Variants in NHSL1 observed in about 807,000 individuals in gnomAD.
NHSL1 encodes NHS-like protein 1.
A neutral mutation model predicts 95.0 loss-of-function variants in NHSL1; 48 were observed. The ratio of observed to expected loss-of-function variants is 0.51; its 90% CI spans 0.40 to 0.64. The LOEUF is 0.64. Ranked by LOEUF, NHSL1 falls within the 30% of genes least tolerant of loss-of-function variation. The probability of loss-of-function intolerance (pLI) is 0.00; values close to 1 mark genes in which losing one functional copy is unlikely to be tolerated. For synonymous variants in NHSL1, 783 were observed against 833.9 expected, an observed-to-expected ratio of 0.94 and a Z score of 1.05; for missense variants, 1,971 against 2,077.7, an observed-to-expected ratio of 0.95 and a Z score of 1.00.
intron 1 of NHSL1, among the ~76,000 whole-genome samples, chr6:138,556,093 A>T (rs1783186875): frequency 6.6e-6 from 1 of 152,086 alleles, no homozygotes; most frequent in Non-Finnish European, 1.5e-5. Context: ...TATATTTACT[A>T]AAATGCTTCA....
At chr6:138,486,729 C>G (rs1239914700) in intron 2 of NHSL1, among the ~76,000 whole-genome samples, 1 of 152,218 alleles carries the variant, frequency 6.6e-6, no homozygotes, top group African/African-American at 2.4e-5. Flanking sequence ...ACAAACACAA[C>G]AGTATTTGCA....
intron 1 of NHSL1, among the ~76,000 whole-genome samples, chr6:138,662,622 C>G (rs1161038077): frequency 6.6e-6 from 1 of 152,172 alleles, no homozygotes; most frequent in African/African-American, 2.4e-5. Flanking sequence ...TTCAAACAAA[C>G]AAGTGAGTCA....
intron 1 of NHSL1, among the ~76,000 whole-genome samples, chr6:138,539,839 G>C (rs960936485): frequency 6.6e-6 from 1 of 152,154 alleles, no homozygotes; most frequent in Admixed American, 6.5e-5. Context: ...TCAGTCCATA[G>C]GGTAGCATCT....
At chr6:138,599,133 T>C (rs1199686080) in intron 1 of NHSL1, among the ~76,000 whole-genome samples, 4 of 152,244 alleles carry the variant, frequency 2.6e-5, no homozygotes, top group Non-Finnish European at 4.4e-5. Context: ...CATTCTGAGC[T>C]ACCTAATTGT....
chr6:138,523,029 C>CCACCCT (rs1160818157), intron 1 of NHSL1, among the ~76,000 whole-genome samples: 2 of 151,866 alleles, frequency 1.3e-5, no homozygotes, highest in African/African-American at 4.8e-5. Context: ...CCCCCCACCC[C>CCACCCT]CACCCTTTCA....
chr6:138,488,112 T>A (rs1338759567), intron 2 of NHSL1, among the ~76,000 whole-genome samples: 2 of 152,180 alleles, frequency 1.3e-5, no homozygotes, highest in Non-Finnish European at 2.9e-5. Context: ...ATCCCGTCTG[T>A]CCTAAAAATA....
chr6:138,456,811 G>A (rs1379288392), intron 3 of NHSL1, among the ~76,000 whole-genome samples: 1 of 150,626 alleles, frequency 6.6e-6, no homozygotes, highest in Non-Finnish European at 1.5e-5. Flanking sequence ...GTCAAAAACA[G>A]TACACAAAGC....
At chr6:138,689,636 G>A (rs868573189) in intron 1 of NHSL1, among the ~76,000 whole-genome samples, 17 of 152,198 alleles carry the variant, frequency 1.1e-4, no homozygotes, top group Non-Finnish European at 4.4e-5. Flanking sequence ...CCAACTGCTA[G>A]AGGCTTTTGG....
chr6:138,555,970 G>T (rs570623509), intron 1 of NHSL1, among the ~76,000 whole-genome samples: 1 of 151,984 alleles, frequency 6.6e-6, no homozygotes, highest in South Asian at 2.1e-4. Context: ...CCAAACAAGG[G>T]ATCAGACAGG....
At chr6:138,497,430 G>T (rs1780420664) in intron 1 of NHSL1, among the ~76,000 whole-genome samples, 1 of 152,170 alleles carries the variant, frequency 6.6e-6, no homozygotes, top group South Asian at 2.1e-4. Context: ...AAGTCTTCCT[G>T]ACTCTGATCT....
intron 1 of NHSL1, among the ~76,000 whole-genome samples, chr6:138,518,004 TA>T (rs1781524777): frequency 6.6e-6 from 1 of 152,038 alleles, no homozygotes; most frequent in African/African-American, 2.4e-5. Flanking sequence ...TGTGGCTGGT[TA>T]GGGGAGGAAG....
chr6:138,676,765 C>T (rs1408252595), intron 1 of NHSL1, among the ~76,000 whole-genome samples: 1 of 152,210 alleles, frequency 6.6e-6, no homozygotes, highest in Non-Finnish European at 1.5e-5. Flanking sequence ...AGTGATTCTC[C>T]TGCCTCAGCC....
Position 138,447,109 on chromosome 6 carries a change from T to G in NHSL1, c.424A>C (p.Asn142His). 1.3e-6 allele frequency: 2 copies of G among 1,551,802 alleles called. No individual in the cohort carries two copies. Among genetic ancestry groups the G allele is most frequent in the South Asian group, 1.2e-5 (1 of 84,068 alleles). The change falls in exon 4 of 8, where the codon AAT becomes CAT. Residue 142 changes from asparagine to histidine, a missense_variant. Asn to His is a moderately conservative substitution (Grantham distance 68). This residue lies in a region of NHSL1 where 1,602 missense variants were observed against 1,654.5 expected (regional missense o/e 0.97). Transcript: ENST00000343505. ...TPASSDFSDL[N>H]TQTNWTKSLP... ...GACTTGGTCCAGTTCGTCTGAGTAT[T>G]AAGGTCGGAGAAGTCACTTGAGGCT...
intron 3 of NHSL1, among the ~76,000 whole-genome samples, chr6:138,447,734 C>T (rs1002952780): frequency 1.3e-5 from 2 of 152,084 alleles, no homozygotes; most frequent in Non-Finnish European, 2.9e-5. Flanking sequence ...GATTGTGCCA[C>T]TGCACTCCAG....
At chr6:138,487,027 A>G (rs1421716147) in intron 2 of NHSL1, among the ~76,000 whole-genome samples, 2 of 152,220 alleles carry the variant, frequency 1.3e-5, no homozygotes, top group Admixed American at 6.5e-5. Context: ...TTCAGAAGGG[A>G]AAAAGTATGG....
At chr6:138,579,727 TG>T (rs1199408884) in intron 1 of NHSL1, among the ~76,000 whole-genome samples, 1 of 152,226 alleles carries the variant, frequency 6.6e-6, no homozygotes, top group African/African-American at 2.4e-5. Context: ...TCCATGCCAG[TG>T]GAAAATTTTT....
At chr6:138,454,060 C>T (rs1397995370) in intron 3 of NHSL1, among the ~76,000 whole-genome samples, 1 of 152,126 alleles carries the variant, frequency 6.6e-6, no homozygotes, top group Non-Finnish European at 1.5e-5. Context: ...GAACTCACTA[C>T]TCAACCCATG....
chr6:138,593,067 G>A (rs1468605045), intron 1 of NHSL1, among the ~76,000 whole-genome samples: 1 of 152,158 alleles, frequency 6.6e-6, no homozygotes, highest in African/African-American at 2.4e-5. Flanking sequence ...CCATCTGAAA[G>A]CCATTAAAAC....
upstream of NHSL1, among the ~76,000 whole-genome samples, chr6:138,549,688 G>A (rs984430078): frequency 1.3e-5 from 2 of 152,192 alleles, no homozygotes; most frequent in African/African-American, 2.4e-5. Context: ...TAATAATTAC[G>A]TGAGATGGGC....
Sources: allele counts gnomAD v4.1 joint callset (sites outside exome capture counted in the v4.1 genomes callset), GRCh38; gene constraint gnomAD v4.1.1; regional missense constraint gnomAD v4.1.1; transcripts MANE v1.5; gene names NCBI Gene and HGNC (gene_info 2026-07-23, HGNC 2026-07-21).